Variants in CORIN observed in about 807,000 individuals in gnomAD.
CORIN encodes the protein atrial natriuretic peptide-converting enzyme.
In CORIN, 117 loss-of-function variants were observed where a neutral mutation model predicts 125.3. The observed-to-expected ratio is 0.93, with a 90% CI of 0.80 to 1.09. The LOEUF is 1.09. Ranked by LOEUF, CORIN falls within the 50% of genes least tolerant of loss-of-function variation. The pLI, the probability that CORIN is intolerant of heterozygous loss-of-function variation, is 0.00. For synonymous variants in CORIN, 450 were observed against 466.4 expected (o/e 0.96, Z 0.45); for missense variants, 1,253 against 1,306.7 (o/e 0.96, Z 0.63).
intron 5 of CORIN, among the ~76,000 whole-genome samples, chr4:47,721,101 C>T (rs547096567): frequency 3.9e-5 from 6 of 152,046 alleles, no homozygotes; most frequent in Non-Finnish European, 7.4e-5. Context: ...TGCACAGTGG[C>T]ATTCTTAGTG....
intron 3 of CORIN, among the ~76,000 whole-genome samples, chr4:47,782,465 C>G (rs1016656118): frequency 2.6e-5 from 4 of 151,226 alleles, no homozygotes; most frequent in Non-Finnish European, 5.9e-5. Flanking sequence ...ACTTGAATAC[C>G]CCACTCTCAA....
chr4:47,754,908 A>T (rs1475283018), intron 4 of CORIN, among the ~76,000 whole-genome samples: 1 of 152,196 alleles, frequency 6.6e-6, no homozygotes, highest in African/African-American at 2.4e-5. Context: ...ACCTTCAAGT[A>T]GATTCTCTGA....
chr4:47,749,130 A>C (rs1728788090), intron 4 of CORIN, among the ~76,000 whole-genome samples: 1 of 152,172 alleles, frequency 6.6e-6, no homozygotes, highest in Admixed American at 6.5e-5. Flanking sequence ...GAAAAAAAAA[A>C]ACAGAATCTT....
At chr4:47,695,412 T>G (rs1182537499) in intron 5 of CORIN, among the ~76,000 whole-genome samples, 1 of 152,210 alleles carries the variant, frequency 6.6e-6, no homozygotes, top group East Asian at 1.9e-4. Context: ...AAGCTCAAGA[T>G]TCAATAGCTC....
rs145644884 is a variant in CORIN, at chr4:47,628,769, T to A, written c.2199-2248A>T. Among the ~76,000 whole-genome samples the A allele has an allele frequency of 1.2e-3, 188 of 152,286 alleles. 2 individuals carry two copies. Among genetic ancestry groups the A allele is most frequent in the African/African-American group, 4.3e-3 (179 of 41,556 alleles). On this transcript the variant is annotated intron_variant, in intron 16 of 21. Transcript: ENST00000273857. ...TTAATATGTCCTCCAAGTTTATCCA[T>A]GTTGTCTCAAATGGCAGAATTTCCT...
At chr4:47,833,456 C>G (rs1577963168) in intron 1 of CORIN, among the ~76,000 whole-genome samples, 1 of 128,788 alleles carries the variant, frequency 7.8e-6, no homozygotes, top group African/African-American at 2.9e-5. Flanking sequence ...TGAAAGAAAA[C>G]ATAAAGGAAA....
chr4:47,750,016 T>C (rs1042544366), intron 4 of CORIN, among the ~76,000 whole-genome samples: 3 of 152,194 alleles, frequency 2.0e-5, no homozygotes, highest in Admixed American at 2.0e-4. Flanking sequence ...CTCCCAAATA[T>C]CTTGCCTATC....
intron 19 of CORIN, among the ~76,000 whole-genome samples, chr4:47,615,699 TTC>T (rs758230690): frequency 1.3e-5 from 2 of 152,146 alleles, no homozygotes; most frequent in Non-Finnish European, 2.9e-5. Context: ...GCAACAGGCA[TTC>T]TCTCTCAACA....
intron 12 of CORIN, among the ~76,000 whole-genome samples, chr4:47,654,987 T>C (rs1281629051): frequency 6.6e-6 from 1 of 151,814 alleles, no homozygotes; most frequent in Non-Finnish European, 1.5e-5. Flanking sequence ...TTAGCCACAG[T>C]AGAATAGGGC....
At chr4:47,621,306 C>A (rs1267461319) in intron 19 of CORIN, among the ~76,000 whole-genome samples, 2 of 152,152 alleles carry the variant, frequency 1.3e-5, no homozygotes, top group Non-Finnish European at 2.9e-5. Flanking sequence ...AGGATGCCAG[C>A]CACCATGAAG....
chr4:47,808,090 A>G (rs1731872360), intron 1 of CORIN, among the ~76,000 whole-genome samples: 2 of 152,176 alleles, frequency 1.3e-5, no homozygotes, highest in Admixed American at 1.3e-4. Flanking sequence ...TCCAAAATTA[A>G]GACGAACCTT....
chr4:47,692,883 A>C, intron 6 of CORIN, 87 bp downstream of exon 6: 1 of 1,015,910 alleles, frequency 9.8e-7, no homozygotes, highest in Non-Finnish European at 1.5e-6. Context: ...AAAGGCAAAC[A>C]AAAAGCAGTC....
intron 1 of CORIN, among the ~76,000 whole-genome samples, chr4:47,822,719 T>C (rs575216204): frequency 1.3e-5 from 2 of 152,326 alleles, no homozygotes; most frequent in East Asian, 1.9e-4. Context: ...ATCCAACACA[T>C]GATACTGTTG....
intron 13 of CORIN, among the ~76,000 whole-genome samples, chr4:47,651,826 C>G (rs1723741570): frequency 6.6e-6 from 1 of 152,022 alleles, no homozygotes; most frequent in Non-Finnish European, 1.5e-5. Flanking sequence ...AAACCCTATA[C>G]CAATATGATA....
chr4:47,704,276 G>A (rs369109101), intron 5 of CORIN, among the ~76,000 whole-genome samples: 1 of 152,040 alleles, frequency 6.6e-6, no homozygotes, highest in Non-Finnish European at 1.5e-5. Context: ...TAATTAACTC[G>A]CATTCCAGAG....
chr4:47,751,125 C>T (rs1247865307), intron 4 of CORIN, among the ~76,000 whole-genome samples: 1 of 152,180 alleles, frequency 6.6e-6, no homozygotes, highest in Non-Finnish European at 1.5e-5. Context: ...TAAATCATGT[C>T]ATCTACTACA....
intron 13 of CORIN, among the ~76,000 whole-genome samples, chr4:47,646,930 T>G (rs1243932221): frequency 6.6e-6 from 1 of 152,220 alleles, no homozygotes; most frequent in East Asian, 1.9e-4. Flanking sequence ...TTCAAACTTT[T>G]CATTAAAAAC....
intron 4 of CORIN, among the ~76,000 whole-genome samples, chr4:47,751,099 C>T (rs184372772): frequency 2.0e-5 from 3 of 152,216 alleles, no homozygotes; most frequent in Admixed American, 2.0e-4. Flanking sequence ...TACCAGCACA[C>T]CACTGAATAA....
At chr4:47,769,382 A>G (rs1293011189) in intron 3 of CORIN, among the ~76,000 whole-genome samples, 2 of 152,036 alleles carry the variant, frequency 1.3e-5, no homozygotes, top group Non-Finnish European at 2.9e-5. Flanking sequence ...GAAAGGAAAC[A>G]CAAATAAATA....
Sources: allele counts gnomAD v4.1 joint callset (sites outside exome capture counted in the v4.1 genomes callset), GRCh38; gene constraint gnomAD v4.1.1; transcripts MANE v1.5; gene names NCBI Gene and HGNC (gene_info 2026-07-23, HGNC 2026-07-21).